Variants in RANBP2 observed in about 807,000 individuals in gnomAD.
The protein encoded by RANBP2 is E3 SUMO-protein ligase RanBP2.
RANBP2 carries 57 observed loss-of-function variants against 303.6 expected under a neutral mutation model. The ratio of observed to expected loss-of-function variants is 0.19; its 90% CI spans 0.15 to 0.23. The LOEUF (loss-of-function observed/expected upper bound fraction) is 0.23. Among genes scored for constraint, RANBP2 ranks in the 10% least tolerant of loss-of-function variants. The pLI is 1.00. For synonymous variants in RANBP2, 1,167 were observed against 1,301.5 expected (o/e 0.90, Z 2.23); for missense variants, 3,138 against 3,780.8 (o/e 0.83, Z 4.46).
chr2:109,760,691 G>A, the RANBP2 span, among the ~76,000 whole-genome samples: 2 of 145,944 alleles, frequency 1.4e-5, no homozygotes, highest in South Asian at 2.2e-4. Flanking sequence ...CGGCGGTAGC[G>A]GCGGCGGCGA....
the RANBP2 span, among the ~76,000 whole-genome samples, chr2:108,976,172 C>A: frequency 0.018 from 2,711 of 152,330 alleles, 76 homozygotes; most frequent in African/African-American, 0.061. Context: ...TACATTTAAT[C>A]ATCACACATC....
the RANBP2 span, among the ~76,000 whole-genome samples, chr2:109,061,055 A>G: frequency 2.6e-5 from 4 of 151,840 alleles, no homozygotes; most frequent in Admixed American, 2.0e-4. Flanking sequence ...GAAGAAACCT[A>G]TTTGTCCTCT....
chr2:109,643,194 A>AAAAG, the RANBP2 span, among the ~76,000 whole-genome samples: 1 of 55,740 alleles, frequency 1.8e-5, no homozygotes, highest in Non-Finnish European at 6.0e-5. Flanking sequence ...TTTTCAAAAG[A>AAAAG]AAAAAAAAAA....
At chr2:109,194,790 G>C in the RANBP2 span, among the ~76,000 whole-genome samples, 1 of 152,100 alleles carries the variant, frequency 6.6e-6, no homozygotes, top group Non-Finnish European at 1.5e-5. Flanking sequence ...TGGTTGTCAG[G>C]GCAACCAAAA....
At chr2:109,403,269 G>A in the RANBP2 span, among the ~76,000 whole-genome samples, 1 of 152,210 alleles carries the variant, frequency 6.6e-6, no homozygotes, top group Non-Finnish European at 1.5e-5. Context: ...GGGTGCGTCT[G>A]TAGTTTGCCT....
chr2:109,670,811 G>A, the RANBP2 span, among the ~76,000 whole-genome samples: 1 of 151,882 alleles, frequency 6.6e-6, no homozygotes, highest in African/African-American at 2.4e-5. Context: ...AGGGCCCTGT[G>A]GGTGGAGGCA....
chr2:108,740,438 A>G (rs1695986534), intron 6 of RANBP2, 51 bp from the exon 7 acceptor site: 1 of 1,596,518 alleles, frequency 6.3e-7, no homozygotes, highest in Non-Finnish European at 8.5e-7. Context: ...AACCATGATT[A>G]TTCACAGTGC....
chr2:109,162,880 A>AG, the RANBP2 span, among the ~76,000 whole-genome samples: 1 of 5,792 alleles, frequency 1.7e-4, no homozygotes. Context: ...GATGATTACC[A>AG]AAAAAACCAC....
the RANBP2 span, among the ~76,000 whole-genome samples, chr2:109,210,115 A>G: frequency 6.6e-6 from 1 of 152,218 alleles, no homozygotes; most frequent in Non-Finnish European, 1.5e-5. Context: ...ATTCATCGAC[A>G]TAGCCGCATG....
the RANBP2 span, among the ~76,000 whole-genome samples, chr2:109,198,368 T>A: frequency 2.0e-5 from 1 of 50,112 alleles, no homozygotes; most frequent in Non-Finnish European, 4.4e-5. Flanking sequence ...TTGTGACAAC[T>A]TAAACAAAAC....
chr2:109,607,116 A>G, the RANBP2 span, among the ~76,000 whole-genome samples: 1 of 152,194 alleles, frequency 6.6e-6, no homozygotes, highest in Non-Finnish European at 1.5e-5. Context: ...ATTTAGCTCA[A>G]TATTGAGCTT....
At chr2:109,701,479 T>C in the RANBP2 span, among the ~76,000 whole-genome samples, 1 of 152,178 alleles carries the variant, frequency 6.6e-6, no homozygotes, top group Non-Finnish European at 1.5e-5. Flanking sequence ...GTGGGGGGCC[T>C]CCAGGTCAGA....
the RANBP2 span, among the ~76,000 whole-genome samples, chr2:109,180,249 C>T: frequency 3.3e-5 from 5 of 152,172 alleles, no homozygotes; most frequent in African/African-American, 4.8e-5. Context: ...GCTTCGGCCT[C>T]CTTCCTTTGC....
At chr2:108,832,545 C>T in the RANBP2 span, among the ~76,000 whole-genome samples, 5 of 152,024 alleles carry the variant, frequency 3.3e-5, no homozygotes, top group Non-Finnish European at 7.4e-5. Context: ...CGGGGTTTCT[C>T]CTTGTTGGTC....
At chr2:109,512,743 C>T in the RANBP2 span, among the ~76,000 whole-genome samples, 11 of 152,140 alleles carry the variant, frequency 7.2e-5, no homozygotes, top group African/African-American at 2.7e-4. Context: ...TTTCCCCCTC[C>T]CAGGTGCTCC....
the RANBP2 span, among the ~76,000 whole-genome samples, chr2:109,223,626 T>G: frequency 6.6e-6 from 1 of 152,050 alleles, no homozygotes; most frequent in African/African-American, 2.4e-5. Context: ...CTGGAGCTCC[T>G]TAGTGCTCCC....
At chr2:109,610,568 T>C in the RANBP2 span, among the ~76,000 whole-genome samples, 6 of 151,782 alleles carry the variant, frequency 4.0e-5, no homozygotes, top group South Asian at 1.3e-3. Context: ...TACAAAAAAT[T>C]AGCCGGGCGT....
At chr2:109,153,700 C>A in the RANBP2 span, among the ~76,000 whole-genome samples, 1 of 152,190 alleles carries the variant, frequency 6.6e-6, no homozygotes, top group African/African-American at 2.4e-5. Context: ...GATCTAGTCT[C>A]CAGGGTGTGT....
At chr2:109,483,940 A>G in the RANBP2 span, among the ~76,000 whole-genome samples, 1 of 151,154 alleles carries the variant, frequency 6.6e-6, no homozygotes, top group African/African-American at 2.4e-5. Context: ...CAAGCCCCCC[A>G]CAACCCCCGC....
Sources: gnomAD v4.1 joint callset for allele counts (sites outside exome capture counted in the v4.1 genomes callset) on GRCh38, gnomAD v4.1.1 for gene constraint, MANE v1.5 for transcripts, NCBI Gene and HGNC (gene_info 2026-07-23, HGNC 2026-07-21) for gene names.